DEPTOR: variants seen among roughly 807,000 people sequenced by gnomAD.
The protein encoded by DEPTOR is DEP domain containing MTOR interacting protein.
DEPTOR carries 41 observed loss-of-function variants against 41.6 expected under a neutral mutation model. The observed-to-expected ratio is 0.98, with a 90% CI of 0.77 to 1.28. DEPTOR has a LOEUF of 1.28. Among genes scored for constraint, DEPTOR ranks in the 50% most tolerant of loss-of-function variants. DEPTOR has a pLI of 0.00. For synonymous variants in DEPTOR, 195 were observed against 192.3 expected (o/e 1.01, Z -0.12); for missense variants, 514 against 527.9 (o/e 0.97, Z 0.26).
At chr8:120,013,260 T>A (rs1400092326) in intron 8 of DEPTOR, among the ~76,000 whole-genome samples, 1 of 152,164 alleles carries the variant, frequency 6.6e-6, no homozygotes, top group Non-Finnish European at 1.5e-5. Flanking sequence ...GATATACATT[T>A]TTAGTATTAC....
intron 1 of DEPTOR, among the ~76,000 whole-genome samples, chr8:119,922,233 G>C (rs1827907117): frequency 7.6e-6 from 1 of 130,768 alleles, no homozygotes; most frequent in African/African-American, 3.0e-5. Flanking sequence ...GAGTGAAACT[G>C]TCTCAAAAAA....
At chr8:120,005,310 C>T (rs757967527) in intron 6 of DEPTOR, among the ~76,000 whole-genome samples, 1 of 152,162 alleles carries the variant, frequency 6.6e-6, no homozygotes, top group African/African-American at 2.4e-5. Context: ...TCTTGTTTGG[C>T]GAACATAAAT....
At chr8:119,912,965 T>G (rs151191205) in intron 1 of DEPTOR, among the ~76,000 whole-genome samples, 33,398 of 152,134 alleles carry the variant, frequency 0.22, 4,241 homozygotes, top group African/African-American at 0.34. Flanking sequence ...CTGTTGCCCC[T>G]GCTGGAGTGC....
intron 8 of DEPTOR, among the ~76,000 whole-genome samples, chr8:120,030,630 C>T (rs1316949973): frequency 6.7e-6 from 1 of 149,660 alleles, no homozygotes; most frequent in African/African-American, 2.5e-5. Flanking sequence ...CCTCAGACTC[C>T]CCAGTAGCTA....
chr8:120,042,512 A>G (rs1215851847), intron 8 of DEPTOR, among the ~76,000 whole-genome samples: 1 of 151,948 alleles, frequency 6.6e-6, no homozygotes, highest in Non-Finnish European at 1.5e-5. Context: ...GCCTAAATCT[A>G]TTTTTATTTT....
chr8:120,006,931 C>A, intron 7 of DEPTOR, 56 bp downstream of exon 7: 2 of 1,532,760 alleles, frequency 1.3e-6, no homozygotes, highest in South Asian at 2.2e-5. Context: ...TGCACCGTGT[C>A]CATGTGTCAA....
At chr8:119,929,403 C>A (rs574292820) in intron 2 of DEPTOR, among the ~76,000 whole-genome samples, 1 of 152,270 alleles carries the variant, frequency 6.6e-6, no homozygotes, top group Non-Finnish European at 1.5e-5. Flanking sequence ...TGCACTCTCT[C>A]CTTACCTCTG....
intron 1 of DEPTOR, among the ~76,000 whole-genome samples, chr8:119,882,138 G>A (rs11992314): frequency 0.1 from 15,247 of 152,072 alleles, 900 homozygotes; most frequent in South Asian, 0.22. Flanking sequence ...TTTTCTACCC[G>A]CCTTGGCCTC....
chr8:120,029,303 A>G (rs1399924605), intron 8 of DEPTOR, among the ~76,000 whole-genome samples: 2 of 152,136 alleles, frequency 1.3e-5, no homozygotes, highest in Non-Finnish European at 2.9e-5. Flanking sequence ...AAAGAATAGG[A>G]AAATATCCTT....
At chr8:120,011,011 G>A (rs993917899) in intron 8 of DEPTOR, among the ~76,000 whole-genome samples, 11 of 152,186 alleles carry the variant, frequency 7.2e-5, no homozygotes, top group African/African-American at 2.7e-4. Flanking sequence ...AAAAGCTAAA[G>A]ATCATTCCCC....
intron 4 of DEPTOR, among the ~76,000 whole-genome samples, chr8:119,974,545 GAGAATCACTTGAGGCCA>G (rs1828673851): frequency 6.6e-6 from 1 of 152,142 alleles, no homozygotes; most frequent in African/African-American, 2.4e-5. Context: ...GCTGAGGCGA[GAGAATCACTTGAGGCCA>G]AGAGTTCTAG....
intron 8 of DEPTOR, among the ~76,000 whole-genome samples, chr8:120,049,249 A>C (rs1177842580): frequency 6.6e-6 from 1 of 152,056 alleles, no homozygotes; most frequent in Non-Finnish European, 1.5e-5. Context: ...TATTATTATT[A>C]ATTCTTATTT....
rs973826326 is a variant in DEPTOR, at chr8:119,929,857, A to G, written c.344A>G (p.Tyr115Cys). 8 of 1,613,830 alleles carry G rather than the reference A, an allele frequency of 5.0e-6. No individual in the cohort carries two copies. In the Admixed American group the frequency reaches 5.0e-5, roughly 10 times the overall value. The change falls in exon 3 of 9, where the codon TAC becomes TGC. Residue 115 changes from tyrosine to cysteine, a missense_variant. Physicochemically the swap from Tyr to Cys is radical, Grantham distance 194. Coordinates refer to ENST00000286234, the MANE Select transcript of DEPTOR (RefSeq NM_022783.4). ...HKEFKDVKLF[Y>C]RFRKDDGTFP... The stretch of plus-strand genomic sequence containing the variant: ...GAATTCAAGGATGTCAAACTCTTCT[A>G]CCGCTTTAGAAAGGATGACGGCACC...
intron 8 of DEPTOR, among the ~76,000 whole-genome samples, chr8:120,041,503 T>C (rs1051837353): frequency 6.6e-6 from 1 of 152,188 alleles, no homozygotes; most frequent in Non-Finnish European, 1.5e-5. Context: ...TCCTGCTTCC[T>C]GTTAACTCTT....
intron 1 of DEPTOR, among the ~76,000 whole-genome samples, chr8:119,920,935 C>T (rs1210657550): frequency 6.6e-6 from 1 of 151,916 alleles, no homozygotes; most frequent in Non-Finnish European, 1.5e-5. Context: ...CCACTCCCCT[C>T]TCCTTCCTAA....
chr8:119,987,869 C>A (rs1299470548), intron 4 of DEPTOR, among the ~76,000 whole-genome samples: 1 of 152,168 alleles, frequency 6.6e-6, no homozygotes, highest in Non-Finnish European at 1.5e-5. Context: ...CCCTTCCCCC[C>A]ACCAAGCTCG....
intron 4 of DEPTOR, among the ~76,000 whole-genome samples, chr8:119,986,317 A>C (rs984050818): frequency 6.6e-6 from 1 of 152,124 alleles, no homozygotes; most frequent in African/African-American, 2.4e-5. Context: ...GAAATTCTGG[A>C]TTGAAAATTC....
At chr8:120,028,562 G>GCAAT (rs200291953) in intron 8 of DEPTOR, among the ~76,000 whole-genome samples, 2,730 of 146,030 alleles carry the variant, frequency 0.019, 38 homozygotes, top group Non-Finnish European at 0.031. Context: ...AGTGAATCAA[G>GCAAT]CAATTCTCCT....
intron 4 of DEPTOR, among the ~76,000 whole-genome samples, chr8:119,991,976 G>A (rs1456734821): frequency 6.6e-6 from 1 of 152,180 alleles, no homozygotes; most frequent in Non-Finnish European, 1.5e-5. Context: ...TGTGAAAGAA[G>A]TTAAAGCTTA....
Sources: gnomAD v4.1 joint callset for allele counts (sites outside exome capture counted in the v4.1 genomes callset) on GRCh38, gnomAD v4.1.1 for gene constraint, MANE v1.5 for transcripts, NCBI Gene and HGNC (gene_info 2026-07-23, HGNC 2026-07-21) for gene names.